Variants in KIAA1549 observed in about 807,000 individuals in gnomAD.
KIAA1549 encodes the protein KIAA1549, also known as UPF0606 protein KIAA1549.
Under a neutral mutation model 156.4 loss-of-function variants are expected in KIAA1549, and 70 were observed. That is an observed-to-expected ratio of 0.45 (90% confidence interval 0.37 to 0.55). The LOEUF is 0.55. Among genes scored for constraint, KIAA1549 ranks in the 20% least tolerant of loss-of-function variants. The pLI, the probability that KIAA1549 is intolerant of heterozygous loss-of-function variation, is 0.00. For missense variants in KIAA1549, 2,428 were observed against 2,540.9 expected (o/e 0.96, Z 0.96); for synonymous variants, 1,103 against 1,066.4 (o/e 1.03, Z -0.67).
rs746764454 is a variant in KIAA1549, at chr7:138,918,532, G to A, written c.1094C>T (p.Pro365Leu). The change falls in exon 2 of 20, where the codon CCT (proline) becomes CTT (leucine). Residue 365 changes from proline (P) to leucine (L), a missense_variant. By Grantham distance (98) the Pro-to-Leu change is moderately conservative (BLOSUM62 -3). Coordinates refer to ENST00000422774, the MANE Select transcript of KIAA1549 (RefSeq NM_001164665.2). The surrounding 1 kb of genome is among the most constrained non-coding windows in gnomAD (Gnocchi z 4.2). ...TGAAGCAGAGGACGCAAATGCAAGAGGAGTTGAAAGCAATGGAGAATGTGT... is the reference window on the plus strand; with the variant it reads ...TGAAGCAGAGGACGCAAATGCAAGAAGAGTTGAAAGCAATGGAGAATGTGT... Reference protein sequence around the residue: ...SRTHSPLLSTPLAFASSASPT... With the variant: ...SRTHSPLLSTLLAFASSASPT... 11 of 1,614,076 alleles carry A rather than the reference G, an allele frequency of 6.8e-6. No homozygotes were observed. In the East Asian group the frequency reaches 2.5e-4, roughly 36 times the overall value.
intron 12 of KIAA1549, among the ~76,000 whole-genome samples, chr7:138,877,190 T>C (rs9918676): frequency 0.12 from 18,805 of 152,220 alleles, 1,522 homozygotes; most frequent in East Asian, 0.22. Flanking sequence ...AAAAGAAATA[T>C]TTTTATGTGA....
At chr7:138,913,746 T>C (rs1026147865) in intron 2 of KIAA1549, among the ~76,000 whole-genome samples, 2 of 152,150 alleles carry the variant, frequency 1.3e-5, no homozygotes, top group African/African-American at 4.8e-5. Flanking sequence ...CCCAACCACC[T>C]TGCTGAGTCA....
At chr7:138,951,021 C>T (rs953172159) in intron 1 of KIAA1549, among the ~76,000 whole-genome samples, 1 of 152,152 alleles carries the variant, frequency 6.6e-6, no homozygotes, top group Non-Finnish European at 1.5e-5. Flanking sequence ...CAGGCCCGCC[C>T]TAACCCTCCC....
intron 1 of KIAA1549, among the ~76,000 whole-genome samples, chr7:138,980,192 G>A (rs900752457): frequency 3.3e-5 from 5 of 152,134 alleles, no homozygotes; most frequent in East Asian, 1.9e-4. Flanking sequence ...TTCCTTTTCC[G>A]CCTCAAAGTG....
chr7:138,876,360 A>T (rs1324189492), intron 12 of KIAA1549: 1 of 152,206 alleles, frequency 6.6e-6, no homozygotes, highest in Non-Finnish European at 1.5e-5. Flanking sequence ...TAATTTTTTT[A>T]AAATATGGAA....
At chr7:138,977,585 A>G (rs1001393466) in intron 1 of KIAA1549, among the ~76,000 whole-genome samples, 7 of 152,104 alleles carry the variant, frequency 4.6e-5, no homozygotes, top group Non-Finnish European at 8.8e-5. Flanking sequence ...AAAGATGCAG[A>G]AATCCAGCCT....
At chr7:138,867,563 A>T (rs201364024) in intron 15 of KIAA1549, among the ~76,000 whole-genome samples, 1,511 of 128,654 alleles carry the variant, frequency 0.012, 22 homozygotes, top group African/African-American at 0.036. Flanking sequence ...CCAAAAAAAA[A>T]AAATAATAAA....
At chr7:138,928,785 A>AC (rs1246631009) in intron 1 of KIAA1549, among the ~76,000 whole-genome samples, 1 of 152,226 alleles carries the variant, frequency 6.6e-6, no homozygotes, top group African/African-American at 2.4e-5. Context: ...TACATCTCCT[A>AC]ATGCTATCCC....
intron 12 of KIAA1549, among the ~76,000 whole-genome samples, chr7:138,875,049 G>C (rs1281741500): frequency 6.6e-6 from 1 of 152,128 alleles, no homozygotes; most frequent in African/African-American, 2.4e-5. Flanking sequence ...TTGAGCACCT[G>C]TAGGCACTGT....
At chr7:138,942,818 G>A (rs1022559474) in intron 1 of KIAA1549, among the ~76,000 whole-genome samples, 5 of 152,074 alleles carry the variant, frequency 3.3e-5, no homozygotes, top group African/African-American at 7.2e-5. Flanking sequence ...GCTGAGGCAG[G>A]AGAATCGCTT....
chr7:138,840,499 G>T (rs977153576), intron 18 of KIAA1549, among the ~76,000 whole-genome samples: 2 of 152,032 alleles, frequency 1.3e-5, no homozygotes, highest in African/African-American at 4.8e-5. Context: ...CCACGAAGCG[G>T]TAGGAAAATG....
At chr7:138,874,614 G>A (rs1811028047) in intron 12 of KIAA1549, among the ~76,000 whole-genome samples, 1 of 152,194 alleles carries the variant, frequency 6.6e-6, no homozygotes, top group Non-Finnish European at 1.5e-5. Context: ...GTGGAAGCTG[G>A]AAAGTTGATC....
Position 138,871,258 on chromosome 7 carries a change from T to TGGGGAC in KIAA1549, c.4444_4449dup (p.Val1482_Pro1483dup). 6.2e-7 allele frequency: 1 copy of TGGGGAC among 1,612,510 alleles called. No individual in the cohort carries two copies. The highest frequency in any genetic ancestry group is 1.1e-5 in the South Asian group (1 of 90,898). On this transcript the variant is annotated inframe_insertion, in exon 13 of 20. Coordinates refer to ENST00000422774, the MANE Select transcript of KIAA1549 (RefSeq NM_001164665.2). ...TGCATGGCGATAAGCTGGATCTTACTGGGGACCCGCCGGCTAGCCTCCGGG... is the reference window on the plus strand; with the variant it reads ...TGCATGGCGATAAGCTGGATCTTACTGGGGACGGGGACCCGCCGGCTAGCCTCCGGG...
intron 1 of KIAA1549, among the ~76,000 whole-genome samples, chr7:138,952,916 C>G (rs1813542114): frequency 6.6e-6 from 1 of 152,226 alleles, no homozygotes; most frequent in South Asian, 2.1e-4. Flanking sequence ...TGAGTCTAGA[C>G]TGAATATTCA....
chr7:138,951,521 T>C (rs1813499201), intron 1 of KIAA1549, among the ~76,000 whole-genome samples: 1 of 152,234 alleles, frequency 6.6e-6, no homozygotes, highest in Admixed American at 6.5e-5. Flanking sequence ...GCCCTGGCAC[T>C]GCCTATGTCT....
intron 1 of KIAA1549, among the ~76,000 whole-genome samples, chr7:138,952,519 C>T (rs951328557): frequency 6.6e-6 from 1 of 152,178 alleles, no homozygotes; most frequent in South Asian, 2.1e-4. Flanking sequence ...GAGGACTCTG[C>T]ATATCAAATG....
rs1430641609 is a variant in KIAA1549, at chr7:138,917,844, C to T, written c.1782G>A (p.Leu594=). Residue 594 remains leucine (L), a synonymous_variant, in exon 2 of 20, where the codon CTG becomes CTA. Transcript: ENST00000422774. ...RDPSVFTPYS[L]VPSVESSLFS... Reference sequence around the variant, plus strand: ...AAAGTGAAGACTCCACTGAAGGAACCAGACTATAAGGCGTAAAAACACTCG... The same window carrying T: ...AAAGTGAAGACTCCACTGAAGGAACTAGACTATAAGGCGTAAAAACACTCG... 1 of 1,603,036 alleles carries T rather than the reference C, an allele frequency of 6.2e-7. No individual in the cohort carries two copies. The highest frequency in any genetic ancestry group is 8.5e-7 in the Non-Finnish European group (1 of 1,174,734).
chr7:138,894,188 A>G (rs550766169), intron 10 of KIAA1549, among the ~76,000 whole-genome samples, 154 bp downstream of exon 10: 1 of 152,342 alleles, frequency 6.6e-6, no homozygotes, highest in African/African-American at 2.4e-5. Context: ...CAGGAAGCAG[A>G]AACAAAGGCA....
intron 1 of KIAA1549, among the ~76,000 whole-genome samples, chr7:138,961,480 C>G (rs919290939): frequency 1.3e-5 from 2 of 152,172 alleles, no homozygotes; most frequent in Admixed American, 1.3e-4. Flanking sequence ...CTATCACCCC[C>G]CACAGGGACC....
Sources: gnomAD v4.1 joint callset for allele counts (sites outside exome capture counted in the v4.1 genomes callset) on GRCh38, gnomAD v4.1.1 for gene constraint, Gnocchi (gnomAD v3.1) non-coding constraint, MANE v1.5 for transcripts, NCBI Gene and HGNC (gene_info 2026-07-23, HGNC 2026-07-21) for gene names.